DACH1: variants seen among roughly 807,000 people sequenced by gnomAD.
The protein encoded by DACH1 is dachshund family transcription factor 1.
Under a neutral mutation model 54.2 loss-of-function variants are expected in DACH1, and 12 were observed. The ratio of observed to expected loss-of-function variants is 0.22; its 90% CI spans 0.14 to 0.36. The LOEUF (loss-of-function observed/expected upper bound fraction) is 0.36, where lower values mean the gene tolerates loss of function less well. DACH1 is among the 10% of genes least tolerant of loss of function. The probability of loss-of-function intolerance (pLI) is 1.00; values close to 1 mark genes in which losing one functional copy is unlikely to be tolerated. For missense variants in DACH1, 805 were observed against 929.8 expected (o/e 0.87, Z 1.75); for synonymous variants, 386 against 366.2 (o/e 1.05, Z -0.62).
At chr13:71,689,710 A>G (rs185874902) in intron 1 of DACH1, among the ~76,000 whole-genome samples, 30 of 152,230 alleles carry the variant, frequency 2.0e-4, no homozygotes, top group African/African-American at 6.7e-4. Context: ...ATAAGGAATT[A>G]CCCCCAAAGA....
At chr13:71,677,830 C>T (rs943446661) in intron 2 of DACH1, among the ~76,000 whole-genome samples, 1 of 152,092 alleles carries the variant, frequency 6.6e-6, no homozygotes. Flanking sequence ...AGCGATTCTC[C>T]TGCCTCAGCA....
intron 1 of DACH1, among the ~76,000 whole-genome samples, chr13:71,732,991 T>C (rs904415459): frequency 1.6e-4 from 25 of 152,282 alleles, no homozygotes; most frequent in African/African-American, 5.8e-4. Context: ...CTTACTCATA[T>C]CATTTTCTCT....
chr13:71,708,826 T>A (rs1027536500), intron 1 of DACH1, among the ~76,000 whole-genome samples: 1 of 150,798 alleles, frequency 6.6e-6, no homozygotes, highest in Admixed American at 6.6e-5. Context: ...TCAATAAGCT[T>A]TCTCAGGGTT....
At chr13:71,612,229 T>G (rs1260049001) in intron 3 of DACH1, among the ~76,000 whole-genome samples, 1 of 152,100 alleles carries the variant, frequency 6.6e-6, no homozygotes, top group Non-Finnish European at 1.5e-5. Context: ...AGTAGAATCC[T>G]TTCTCCTCAC....
intron 3 of DACH1, among the ~76,000 whole-genome samples, chr13:71,589,110 G>T (rs1343375552): frequency 6.6e-6 from 1 of 151,974 alleles, no homozygotes; most frequent in Non-Finnish European, 1.5e-5. Flanking sequence ...ATTTTTAATA[G>T]TAACTCAAAA....
Position 71,680,814 on chromosome 13 carries a change from C to G in DACH1, c.964+981G>C, listed in dbSNP as rs954086112. On this transcript the variant is annotated intron_variant, in intron 2 of 10. Transcript: ENST00000613252. ...TCATTGATGTCAAGAAACTTCCACCCAATTATGACATATGAAATAAGATTA... is the reference window on the plus strand; with the variant it reads ...TCATTGATGTCAAGAAACTTCCACCGAATTATGACATATGAAATAAGATTA... 2.0e-5 allele frequency among the ~76,000 whole-genome samples: 3 copies of G among 151,986 alleles called. No individual in the cohort carries two copies. The East Asian group carries it at 5.8e-4, about 29-fold the overall frequency.
intron 6 of DACH1, among the ~76,000 whole-genome samples, chr13:71,548,302 C>T (rs1459662972): frequency 6.6e-6 from 1 of 152,054 alleles, no homozygotes; most frequent in African/African-American, 2.4e-5. Context: ...ACTATTAGGT[C>T]AAAATATATG....
rs116046567 is a variant in DACH1 at position 71,466,261 on chromosome 13, T to A, written c.2083+8880A>T. ...TTTCCCAGTTTCCATATATCACTAT[T>A]TTTGACTATTGGTCTTCCAGATACT... On this transcript the variant is annotated intron_variant, in intron 10 of 10. Transcript: ENST00000613252. Among the ~76,000 whole-genome samples the A allele has an allele frequency of 7.4e-3, 1,131 of 152,292 alleles. 15 individuals carry two copies. Among genetic ancestry groups the A allele is most frequent in the African/African-American group, 0.026 (1,071 of 41,564 alleles).
At chr13:71,508,082 T>TTTTAGAATC (rs2138250118) in intron 6 of DACH1, among the ~76,000 whole-genome samples, 1 of 152,300 alleles carries the variant, frequency 6.6e-6, no homozygotes, top group Non-Finnish European at 1.5e-5. Flanking sequence ...TAAGGAATGA[T>TTTTAGAATC]TTTAGAATCT....
At chr13:71,735,580 CGT>C (rs1157318242) in intron 1 of DACH1, among the ~76,000 whole-genome samples, 9 of 140,986 alleles carry the variant, frequency 6.4e-5, no homozygotes, top group African/African-American at 2.5e-4. Flanking sequence ...ATGGGATATA[CGT>C]GTATATGGGA....
chr13:71,703,603 T>C (rs1882275200), intron 1 of DACH1, among the ~76,000 whole-genome samples: 1 of 152,240 alleles, frequency 6.6e-6, no homozygotes, highest in Non-Finnish European at 1.5e-5. Context: ...ATGAAGAGCA[T>C]ATGTATGCTA....
intron 1 of DACH1, among the ~76,000 whole-genome samples, chr13:71,823,144 A>G (rs1178238196): frequency 4.6e-5 from 7 of 152,110 alleles, no homozygotes; most frequent in Admixed American, 3.9e-4. Flanking sequence ...TTCCTATTCC[A>G]TAGTTATTCA....
chr13:71,577,005 T>A (rs889343588), intron 3 of DACH1, among the ~76,000 whole-genome samples: 16 of 152,258 alleles, frequency 1.1e-4, no homozygotes, highest in Admixed American at 7.8e-4. Context: ...AATCTAAACA[T>A]TTCCATGGTG....
chr13:71,717,372 AC>A (rs1883023166), intron 1 of DACH1, among the ~76,000 whole-genome samples: 1 of 152,126 alleles, frequency 6.6e-6, no homozygotes, highest in Admixed American at 6.6e-5. Flanking sequence ...ACACAGAATA[AC>A]CTTTTAACTG....
At chr13:71,568,045 T>C (rs1884993733) in intron 4 of DACH1, among the ~76,000 whole-genome samples, 1 of 151,914 alleles carries the variant, frequency 6.6e-6, no homozygotes, top group East Asian at 1.9e-4. Context: ...TTTTACTCAG[T>C]CGTTTAACGT....
chr13:71,862,587 C>T (rs1417137506), intron 1 of DACH1, among the ~76,000 whole-genome samples: 1 of 151,814 alleles, frequency 6.6e-6, no homozygotes. Context: ...TTTAGCTTTA[C>T]TGTCTAGCAG....
chr13:71,663,994 A>T (rs1046970342), intron 2 of DACH1, among the ~76,000 whole-genome samples: 17 of 151,954 alleles, frequency 1.1e-4, no homozygotes, highest in African/African-American at 3.9e-4. Context: ...TAGGTTGCAA[A>T]TACCCAATGC....
At chr13:71,500,805 C>A (rs1015901642) in intron 6 of DACH1, among the ~76,000 whole-genome samples, 40 of 151,832 alleles carry the variant, frequency 2.6e-4, no homozygotes, top group African/African-American at 9.4e-4. Flanking sequence ...CTCACTCAAA[C>A]TTCTATCTAA....
intron 2 of DACH1, among the ~76,000 whole-genome samples, chr13:71,653,202 A>G (rs1878807521): frequency 6.6e-6 from 1 of 152,300 alleles, no homozygotes. Flanking sequence ...AAGCAGCACA[A>G]TAAACCCCGC....
Sources: allele counts gnomAD v4.1 joint callset (sites outside exome capture counted in the v4.1 genomes callset), GRCh38; gene constraint gnomAD v4.1.1; transcripts MANE v1.5; gene names NCBI Gene and HGNC (gene_info 2026-07-23, HGNC 2026-07-21).